DDX5: variants seen among roughly 807,000 people sequenced by gnomAD.
The protein encoded by DDX5 is DEAD-box helicase 5.
In DDX5, 6 loss-of-function variants were observed where a neutral mutation model predicts 68.6. That is an observed-to-expected ratio of 0.09 (90% CI 0.05 to 0.17). The LOEUF is 0.17. Among genes scored for constraint, DDX5 ranks in the 10% least tolerant of loss-of-function variants. DDX5 has a pLI of 1.00. For synonymous variants in DDX5, 350 were observed against 247.0 expected (o/e 1.42, Z -3.91); for missense variants, 499 against 756.1 (o/e 0.66, Z 3.99).
Position 64,503,583 on chromosome 17 carries a change from G to A in DDX5, c.508-12C>T. 2.5e-6 allele frequency: 4 copies of A among 1,612,776 alleles called. No individual in the cohort carries two copies. In the South Asian group the frequency reaches 4.4e-5, roughly 18 times the overall value. The stretch of plus-strand genomic sequence containing the variant: ...GCCAGCACCAAACACTAAGGAAAGA[G>A]AAACAGCTTTCAGCACAAACCTGGA... On this transcript the variant is annotated splice_polypyrimidine_tract_variant and intron_variant, in intron 5 of 12. Coordinates refer to ENST00000225792, the MANE Select transcript of DDX5 (RefSeq NM_004396.5).
chr17:64,499,916 TAA>T lies in DDX5; in HGVS notation c.*5_*6del. 3 of 1,574,092 alleles carry T rather than the reference TAA, an allele frequency of 1.9e-6. No individual in the cohort carries two copies. The highest frequency in any genetic ancestry group is 2.6e-6 in the Non-Finnish European group (3 of 1,158,988). ...AAAAACAGACATTTACATATACTTC[TAA>T]AGTCTTATTGGGAATATCCTGTTGG... On this transcript the variant is annotated 3_prime_UTR_variant, in exon 13 of 13. Transcript: ENST00000225792.
Position 64,503,794 on chromosome 17 carries a change from T to A in DDX5, c.507+9A>T, listed in dbSNP as rs782269843. On this transcript the variant is annotated intron_variant, in intron 5 of 12. Coordinates refer to ENST00000225792, the MANE Select transcript of DDX5 (RefSeq NM_004396.5). ...TGCTTCTAATAAAAAGTTAAAAATA[T>A]ATACTTACAATAGGCCCATCGCCTC... 8.1e-6 allele frequency: 13 copies of A among 1,610,098 alleles called. No homozygotes were observed. Among genetic ancestry groups the A allele is most frequent in the East Asian group, 2.2e-5 (1 of 44,872 alleles).
chr17:64,504,915 T>A, intron 1 of DDX5, 73 bp from the exon 2 acceptor site: 1 of 1,459,384 alleles, frequency 6.9e-7, no homozygotes, highest in Non-Finnish European at 9.2e-7. Flanking sequence ...TTGTCATCCA[T>A]TGGCACAAGC....
Position 64,501,037 on chromosome 17 carries a change from A to C in DDX5, c.1217-264T>G, listed in dbSNP as rs138891112. 5.5e-4 allele frequency: 284 copies of C among 517,078 alleles called. 1 individual carries two copies. Among genetic ancestry groups the C allele is most frequent in the African/African-American group, 4.4e-3 (230 of 52,494 alleles). 32.0% of individuals were successfully genotyped at this position (517,078 alleles called of 1,614,324 possible). ...ATGTGTGTTCCCTAAGCACATTCCC[A>C]AATCAGCAAGTTCCCTTACAGATCA... On this transcript the variant is annotated intron_variant, in intron 11 of 12. Coordinates refer to ENST00000225792, the MANE Select transcript of DDX5 (RefSeq NM_004396.5).
chr17:64,503,011 T>C lies in DDX5; in HGVS notation c.898A>G (p.Ile300Val), dbSNP rs2144261647. Residue 300 changes from isoleucine (I) to valine (V), a missense_variant, in exon 8 of 13, where the codon ATA (isoleucine) becomes GTA (valine). Coordinates refer to ENST00000225792, the MANE Select transcript of DDX5 (RefSeq NM_004396.5). ...CTCAGTTCAAGTGCACCAATGTTTATATGAATATAGTCTTTCAGGAAATCT... is the reference window on the plus strand; with the variant it reads ...CTCAGTTCAAGTGCACCAATGTTTACATGAATATAGTCTTTCAGGAAATCT... ...AEDFLKDYIH[I>V]NIGALELSAN... The C allele has an allele frequency of 1.2e-6, 2 of 1,614,152 alleles. No homozygotes were observed. Among genetic ancestry groups the C allele is most frequent in the Non-Finnish European group, 1.7e-6 (2 of 1,179,998 alleles).
intron 1 of DDX5, chr17:64,505,473 G>T (rs989952563): frequency 7.1e-6 from 4 of 565,380 alleles, no homozygotes; most frequent in Admixed American, 3.1e-5. Flanking sequence ...GGAGTCGGCC[G>T]GGCGGCGTTC....
intron 1 of DDX5, 115 bp downstream of exon 1, chr17:64,505,961 C>T: frequency 1.3e-6 from 2 of 1,539,184 alleles, no homozygotes; most frequent in Non-Finnish European, 1.7e-6. Flanking sequence ...AAAGGAAGTC[C>T]CAAGATAGCC....
chr17:64,502,624 C>T, intron 8 of DDX5, 75 bp from the exon 9 acceptor site: 1 of 1,086,858 alleles, frequency 9.2e-7, no homozygotes, highest in Non-Finnish European at 1.4e-6. Context: ...TTATGGTCAG[C>T]AAAACATTAA....
At chr17:64,502,744 T>C (rs1294358076) in intron 8 of DDX5, 182 bp downstream of exon 8, 17 of 744,348 alleles carry the variant, frequency 2.3e-5, no homozygotes, top group African/African-American at 2.1e-4. Flanking sequence ...ATTCCTTCTA[T>C]AGGAAAGCTA....
intron 1 of DDX5, 44 bp downstream of exon 1, chr17:64,506,032 A>AAACCCCCC: frequency 3.4e-5 from 15 of 442,356 alleles, no homozygotes; most frequent in African/African-American, 4.3e-5. Context: ...CCGCCCTCCC[A>AAACCCCCC]TCCCCCCACC....
At position 64,499,999 on chromosome 17, in the gene DDX5, T is replaced by G; in HGVS notation, c.1769A>C (p.Gln590Pro). Residue 590 changes from glutamine to proline, a missense_variant, in exon 13 of 13, where the codon CAA becomes CCA. Coordinates refer to ENST00000225792, the MANE Select transcript of DDX5 (RefSeq NM_004396.5). ...NVPNMHNGMNQQAYAYPATAA... is the reference protein window; with the variant it reads ...NVPNMHNGMNPQAYAYPATAA... ...AGTAGCAGGATATGCATATGCCTGT[T>G]GGTTCATACCATTGTGCATATTTGG... 1 of 1,614,204 alleles carries G rather than the reference T, an allele frequency of 6.2e-7. No individual in the cohort carries two copies. Among genetic ancestry groups the G allele is most frequent in the Non-Finnish European group, 8.5e-7 (1 of 1,180,006 alleles).
chr17:64,502,781 G>A (rs1304720378), intron 8 of DDX5, 145 bp downstream of exon 8: 2 of 852,738 alleles, frequency 2.3e-6, no homozygotes, highest in East Asian at 2.7e-5. Context: ...TTATTTGAAG[G>A]ATTCAAGAAA....
At chr17:64,504,869 AT>A in intron 1 of DDX5, 27 bp from the exon 2 acceptor site, 1 of 1,586,462 alleles carries the variant, frequency 6.3e-7, no homozygotes, top group Non-Finnish European at 8.5e-7. Flanking sequence ...CGTTATTCAC[AT>A]TTTCAAATGG....
chr17:64,505,177 A>C, intron 1 of DDX5: 1 of 282,938 alleles, frequency 3.5e-6, no homozygotes, highest in Non-Finnish European at 6.6e-6. Context: ...CTTCCCCACC[A>C]GCCTAGCAAT....
intron 12 of DDX5, 61 bp from the exon 13 acceptor site, chr17:64,500,387 G>A (rs1203876966): frequency 7.1e-6 from 11 of 1,552,360 alleles, no homozygotes; most frequent in South Asian, 2.4e-5. Flanking sequence ...ATTGTGGACA[G>A]AAAGAAACAG....
chr17:64,502,600 C>T, intron 8 of DDX5, 51 bp from the exon 9 acceptor site: 3 of 1,308,750 alleles, frequency 2.3e-6, no homozygotes, highest in South Asian at 1.2e-5. Flanking sequence ...AAGACCATTG[C>T]TAGGGCCACA....
rs1373150587 is a variant in DDX5 at position 64,505,681 on chromosome 17, G to C, written c.44+395C>G. 2.0e-6 allele frequency: 3 copies of C among 1,483,962 alleles called. No individual in the cohort carries two copies. In the South Asian group the frequency reaches 3.6e-5, roughly 18 times the overall value. 91.9% of individuals were successfully genotyped at this position (1,483,962 alleles called of 1,614,324 possible). A position where few individuals can be genotyped will look rare whatever the true frequency, so the allele number is the denominator to read the frequency against. On this transcript the variant is annotated intron_variant, in intron 1 of 12. Transcript: ENST00000225792. Reference sequence around the variant, plus strand: ...CTACCCCAACAGCACCAGGGCTTTGGAAGTGGTCCCCTCGCTCCCACAGAA... The same window carrying C: ...CTACCCCAACAGCACCAGGGCTTTGCAAGTGGTCCCCTCGCTCCCACAGAA...
At chr17:64,505,676 C>A in intron 1 of DDX5, 7 of 1,474,902 alleles carry the variant, frequency 4.7e-6, no homozygotes, top group South Asian at 3.6e-5. Context: ...AGCACCAGGG[C>A]TTTGGAAGTG....
rs781952241 is a variant in DDX5 at position 64,504,756 on chromosome 17, T to G, written c.131A>C (p.Lys44Thr). The change falls in exon 2 of 13, where the codon AAG (lysine) becomes ACG (threonine). Residue 44 changes from lysine (K) to threonine (T), a missense_variant. Lys to Thr is a moderately conservative substitution (Grantham distance 78). Transcript: ENST00000225792. Reference sequence around the variant, plus strand: ...AGGCAGCTCATCAAGATTCCACTTCTTTTTAACTAATTTCTCCCCAGGGTT... The same window carrying G: ...AGGCAGCTCATCAAGATTCCACTTCGTTTTAACTAATTTCTCCCCAGGGTT... ...FGNPGEKLVKKKWNLDELPKF... is the reference protein window; with the variant it reads ...FGNPGEKLVKTKWNLDELPKF... The G allele has an allele frequency of 6.2e-7, 1 of 1,614,178 alleles. No homozygotes were observed.
Sources: allele counts gnomAD v4.1 joint callset, GRCh38; gene constraint gnomAD v4.1.1; transcripts MANE v1.5; gene names NCBI Gene and HGNC (gene_info 2026-07-23, HGNC 2026-07-21).